The following PDE11A variants were observed in gnomAD, a reference collection of about 807,000 sequenced individuals.
PDE11A encodes the protein phosphodiesterase 11A.
In PDE11A, 100 loss-of-function variants were observed where a neutral mutation model predicts 100.5. The ratio of observed to expected loss-of-function variants is 1.00; its 90% CI spans 0.85 to 1.18. The LOEUF is 1.18. Ranked by LOEUF, PDE11A falls within the 50% of genes most tolerant of loss-of-function variation. The pLI is 0.00. For missense variants in PDE11A, 1,141 were observed against 1,152.6 expected (o/e 0.99, Z 0.15); for synonymous variants, 381 against 420.8 (o/e 0.91, Z 1.16).
At chr2:177,650,162 C>T (rs1033187792) in intron 19 of PDE11A, among the ~76,000 whole-genome samples, 9 of 152,208 alleles carry the variant, frequency 5.9e-5, no homozygotes, top group Admixed American at 1.3e-4. Context: ...TGCTCCTCAG[C>T]ATTTCCTCTG....
rs973920222 is a variant in PDE11A, at chr2:177,626,494, G to T, written c.*2913C>A. 2.0e-5 allele frequency: 3 copies of T among 152,598 alleles called. No homozygotes were observed. The highest frequency in any genetic ancestry group is 4.4e-5 in the Non-Finnish European group (3 of 68,046). 9.5% of individuals were successfully genotyped at this position (152,598 alleles called of 1,614,324 possible). ...TGCTTCGGAGCTGCAGACACGTCAC[G>T]ATCTCGCAGACCAGACTCTGTCCCT... On this transcript the variant is annotated 3_prime_UTR_variant, in exon 20 of 20. Coordinates refer to ENST00000286063, the MANE Select transcript of PDE11A (RefSeq NM_016953.4).
chr2:177,682,161 A>T (rs2080874958), intron 15 of PDE11A, among the ~76,000 whole-genome samples: 1 of 152,166 alleles, frequency 6.6e-6, no homozygotes. Flanking sequence ...CCTTCTATTG[A>T]TTCCAGGTCT....
At chr2:177,861,380 T>C (rs536619629) in intron 5 of PDE11A, among the ~76,000 whole-genome samples, 1 of 151,786 alleles carries the variant, frequency 6.6e-6, no homozygotes, top group South Asian at 2.1e-4. Context: ...TAAGTGTAAG[T>C]CTTTTACACT....
At chr2:178,010,479 A>G (rs2086262682) in intron 2 of PDE11A, among the ~76,000 whole-genome samples, 1 of 152,210 alleles carries the variant, frequency 6.6e-6, no homozygotes, top group African/African-American at 2.4e-5. Context: ...TGGGATCAAT[A>G]TTTCCAAAAG....
rs2083932629 is a variant in PDE11A, at chr2:177,860,844, A to T, written c.1367+15015T>A. ...TAGAATAAAAGACAAAAATCACATG[A>T]TTATCTCAATAGGCAAAAAGCATTT... On this transcript the variant is annotated intron_variant, in intron 5 of 19. Coordinates refer to ENST00000286063, the MANE Select transcript of PDE11A (RefSeq NM_016953.4). Among the ~76,000 whole-genome samples, 6 of 151,920 alleles carry T rather than the reference A, an allele frequency of 3.9e-5. No homozygotes were observed. The South Asian group carries it at 1.2e-3, about 31-fold the overall frequency.
intron 19 of PDE11A, among the ~76,000 whole-genome samples, chr2:177,637,986 T>A (rs1202894846): frequency 4.3e-5 from 2 of 46,314 alleles, no homozygotes; most frequent in East Asian, 1.2e-3. Context: ...CGTGTATATA[T>A]ATATATATAT....
rs771254375 is a variant in PDE11A, at chr2:177,728,150, G to A, written c.1811C>T (p.Ser604Leu). ...KFKAANIPLV[S>L]ELAIDDIHFD... is the part of the protein sequence containing the mutation. ...ATGAATGTCATCGATGGCAAGTTCTGACACCAGAGGGATGTTGGCTGCCTA... is the reference window on the plus strand; with the variant it reads ...ATGAATGTCATCGATGGCAAGTTCTAACACCAGAGGGATGTTGGCTGCCTA... Residue 604 changes from serine to leucine, a missense_variant, in exon 11 of 20, where the codon TCA becomes TTA. Coordinates refer to ENST00000286063, the MANE Select transcript of PDE11A (RefSeq NM_016953.4). The A allele has an allele frequency of 6.2e-7, 1 of 1,613,324 alleles. No individual in the cohort carries two copies. The highest frequency in any genetic ancestry group is 2.2e-5 in the East Asian group (1 of 44,844).
intron 5 of PDE11A, among the ~76,000 whole-genome samples, chr2:177,850,526 T>A (rs984331968): frequency 1.8e-4 from 28 of 152,200 alleles, no homozygotes; most frequent in African/African-American, 6.7e-4. Flanking sequence ...GAAGCCAAAA[T>A]TGACAAATGG....
chr2:177,991,511 T>C (rs1412506744), intron 2 of PDE11A, among the ~76,000 whole-genome samples: 1 of 149,726 alleles, frequency 6.7e-6, no homozygotes, highest in Non-Finnish European at 1.5e-5. Context: ...GGCAGGCACT[T>C]GTAATCCCAC....
chr2:177,982,447 A>C (rs2105803996), intron 2 of PDE11A, among the ~76,000 whole-genome samples: 1 of 150,936 alleles, frequency 6.6e-6, no homozygotes, highest in East Asian at 1.9e-4. Flanking sequence ...ACTTCAAATT[A>C]GTTAGCAAAG....
chr2:177,792,022 T>A (rs1445359090), intron 9 of PDE11A, among the ~76,000 whole-genome samples: 1 of 152,236 alleles, frequency 6.6e-6, no homozygotes, highest in African/African-American at 2.4e-5. Flanking sequence ...AAGGTTTTAA[T>A]GATTAATTCT....
chr2:177,995,389 G>A (rs2086057616), intron 2 of PDE11A, among the ~76,000 whole-genome samples: 1 of 152,098 alleles, frequency 6.6e-6, no homozygotes, highest in Non-Finnish European at 1.5e-5. Context: ...ATATGCATGT[G>A]CAGTAATTCT....
chr2:178,102,780 TAA>T (rs2087575494), intron 2 of PDE11A, among the ~76,000 whole-genome samples: 1 of 152,130 alleles, frequency 6.6e-6, no homozygotes, highest in South Asian at 2.1e-4. Flanking sequence ...CTCCCCCAAA[TAA>T]AGATATGTTG....
chr2:177,954,461 C>T (rs1430896566), intron 2 of PDE11A, among the ~76,000 whole-genome samples: 1 of 152,064 alleles, frequency 6.6e-6, no homozygotes, highest in Non-Finnish European at 1.5e-5. Flanking sequence ...GAGCAGCAGA[C>T]AAAATGCTGG....
intron 1 of PDE11A, among the ~76,000 whole-genome samples, chr2:178,061,254 T>G (rs2086965739): frequency 6.6e-6 from 1 of 152,044 alleles, no homozygotes; most frequent in Admixed American, 6.5e-5. Context: ...GGGGTGTGAT[T>G]TTACTACCAG....
intron 4 of PDE11A, 128 bp from the exon 5 acceptor site, chr2:177,876,051 A>T: frequency 1.4e-6 from 1 of 704,702 alleles, no homozygotes; most frequent in Non-Finnish European, 2.6e-6. Context: ...TTTTAAGTGG[A>T]GAAATCCCAA....
At chr2:177,670,464 G>A (rs899943001) in intron 17 of PDE11A, among the ~76,000 whole-genome samples, 4 of 136,926 alleles carry the variant, frequency 2.9e-5, no homozygotes. Context: ...ATGTTGAATG[G>A]CTATTTTCAA....
At chr2:177,938,867 C>G (rs2085309335) in intron 2 of PDE11A, among the ~76,000 whole-genome samples, 1 of 152,162 alleles carries the variant, frequency 6.6e-6, no homozygotes, top group Non-Finnish European at 1.5e-5. Flanking sequence ...TGAGTGAACT[C>G]TAATCCAATA....
intron 3 of PDE11A, among the ~76,000 whole-genome samples, chr2:177,903,560 G>T (rs991071355): frequency 3.3e-5 from 5 of 152,308 alleles, no homozygotes; most frequent in African/African-American, 1.2e-4. Flanking sequence ...AGAATGCAAA[G>T]ATTAATCATA....
Sources: gnomAD v4.1 joint callset for allele counts (sites outside exome capture counted in the v4.1 genomes callset) on GRCh38, gnomAD v4.1.1 for gene constraint, MANE v1.5 for transcripts, NCBI Gene and HGNC (gene_info 2026-07-23, HGNC 2026-07-21) for gene names.